The following SORCS1 variants were observed in gnomAD, a reference collection of about 807,000 sequenced individuals.
SORCS1 encodes the protein sortilin related VPS10 domain containing receptor 1.
A neutral mutation model predicts 146.1 loss-of-function variants in SORCS1; 60 were observed. The observed-to-expected ratio is 0.41, with a 90% confidence interval of 0.33 to 0.51. The LOEUF is 0.51. SORCS1 is among the 20% of genes least tolerant of loss of function. The probability of loss-of-function intolerance (pLI) is 0.21; values close to 1 mark genes in which losing one functional copy is unlikely to be tolerated. For missense variants in SORCS1, 1,352 were observed against 1,487.6 expected, an observed-to-expected ratio of 0.91 and a Z score of 1.50; for synonymous variants, 637 against 584.0, an observed-to-expected ratio of 1.09 and a Z score of -1.31.
At chr10:106,904,562 C>T (rs576948970) in intron 2 of SORCS1, among the ~76,000 whole-genome samples, 1 of 152,274 alleles carries the variant, frequency 6.6e-6, no homozygotes, top group South Asian at 2.1e-4. Flanking sequence ...TGGGATAGAT[C>T]ATTAACTGTC....
At chr10:106,626,700 T>G (rs1848135272) in intron 19 of SORCS1, among the ~76,000 whole-genome samples, 1 of 152,188 alleles carries the variant, frequency 6.6e-6, no homozygotes, top group Non-Finnish European at 1.5e-5. Context: ...CAAAAAGAGT[T>G]TGTGGGCATA....
At chr10:106,578,750 T>G (rs1844714823) in intron 25 of SORCS1, 1 of 1,119,766 alleles carries the variant, frequency 8.9e-7, no homozygotes, top group African/African-American at 1.6e-5. Context: ...TCCACCAGCC[T>G]TAGCCTCTGA....
intron 2 of SORCS1, among the ~76,000 whole-genome samples, chr10:106,882,410 T>G (rs763371371): frequency 2.6e-5 from 4 of 152,208 alleles, no homozygotes; most frequent in African/African-American, 4.8e-5. Flanking sequence ...CAAACTTTTT[T>G]CTGTAAAGGT....
intron 2 of SORCS1, among the ~76,000 whole-genome samples, chr10:106,907,826 C>A (rs1406647175): frequency 1.3e-5 from 2 of 151,382 alleles, no homozygotes; most frequent in Non-Finnish European, 2.9e-5. Flanking sequence ...ACTTGGGAGG[C>A]TGAGGCAGGA....
intron 1 of SORCS1, among the ~76,000 whole-genome samples, chr10:107,114,094 T>C (rs1965869380): frequency 6.6e-6 from 1 of 152,058 alleles, no homozygotes; most frequent in Admixed American, 6.6e-5. Context: ...AGATGAATAA[T>C]GAATAACTAG....
intron 1 of SORCS1, among the ~76,000 whole-genome samples, chr10:107,124,939 TTTC>T (rs1966619492): frequency 1.3e-5 from 2 of 149,262 alleles, no homozygotes; most frequent in Non-Finnish European, 3.0e-5. Context: ...CTTTTCTTTC[TTTC>T]TTTTCTTTTT....
chr10:107,099,320 G>T (rs534800511), intron 1 of SORCS1, among the ~76,000 whole-genome samples: 2 of 152,048 alleles, frequency 1.3e-5, no homozygotes, highest in African/African-American at 2.4e-5. Context: ...TTTTGAGTGT[G>T]AGACCACTAG....
At chr10:106,751,841 G>A (rs1238308986) in intron 5 of SORCS1, among the ~76,000 whole-genome samples, 1 of 152,132 alleles carries the variant, frequency 6.6e-6, no homozygotes, top group African/African-American at 2.4e-5. Flanking sequence ...CTGTGTGTGT[G>A]TATGCACAAG....
intron 1 of SORCS1, among the ~76,000 whole-genome samples, chr10:107,020,627 C>T (rs1211948514): frequency 2.0e-5 from 3 of 152,170 alleles, no homozygotes; most frequent in Admixed American, 6.5e-5. Flanking sequence ...CCCAAGCCCT[C>T]ATGCAGTGTG....
the SORCS1 span, among the ~76,000 whole-genome samples, chr10:107,180,848 G>A: frequency 1.3e-5 from 2 of 152,038 alleles, no homozygotes; most frequent in East Asian, 3.9e-4. Context: ...AGCCTAGATG[G>A]TATCGCCTAC....
chr10:107,169,230 T>C (rs920705588), upstream of SORCS1, among the ~76,000 whole-genome samples: 8 of 152,206 alleles, frequency 5.3e-5, no homozygotes, highest in African/African-American at 1.9e-4. Context: ...CTCAAAATAT[T>C]TGGCTCCCCT....
chr10:106,838,974 T>C lies in SORCS1; in HGVS notation c.627-9301A>G, dbSNP rs188508855. 1.4e-3 allele frequency among the ~76,000 whole-genome samples: 206 copies of C among 150,604 alleles called. 3 individuals are homozygous for C. Among genetic ancestry groups the C allele is most frequent in the Middle Eastern group, 3.4e-3 (1 of 294 alleles). Reference sequence around the variant, plus strand: ...TGGCAAATTTAATCAATAAATATTATGTATGTTTTGACTGCTCCAACAACC... The same window carrying C: ...TGGCAAATTTAATCAATAAATATTACGTATGTTTTGACTGCTCCAACAACC... On this transcript the variant is annotated intron_variant, in intron 2 of 25. Coordinates refer to ENST00000263054, the MANE Select transcript of SORCS1 (RefSeq NM_052918.5).
intron 1 of SORCS1, among the ~76,000 whole-genome samples, chr10:107,149,540 T>A (rs1968599115): frequency 6.6e-6 from 1 of 152,200 alleles, no homozygotes; most frequent in Admixed American, 6.5e-5. Flanking sequence ...AAAAATCCCA[T>A]CACCATTGTG....
chr10:106,898,090 C>T (rs1220918970), intron 2 of SORCS1, among the ~76,000 whole-genome samples: 3 of 152,214 alleles, frequency 2.0e-5, no homozygotes, highest in East Asian at 1.9e-4. Flanking sequence ...TTTATTTCCA[C>T]AGCTCTTTCA....
rs574834258 is a variant in SORCS1 at position 106,980,710 on chromosome 10, C to T, written c.559-24130G>A. Among the ~76,000 whole-genome samples the T allele has an allele frequency of 5.9e-5, 9 of 152,302 alleles. No homozygotes were observed. The South Asian group carries it at 1.7e-3, about 28-fold the overall frequency. On this transcript the variant is annotated intron_variant, in intron 1 of 25. Coordinates refer to ENST00000263054, the MANE Select transcript of SORCS1 (RefSeq NM_052918.5). ...TATACATATTTCCTCTTTTCCGCAG[C>T]CTACAAGAAAATATGCTGGTGGTAG...
At chr10:106,968,222 A>G (rs200871629) in intron 1 of SORCS1, among the ~76,000 whole-genome samples, 6,755 of 152,036 alleles carry the variant, frequency 0.044, 179 homozygotes, top group Non-Finnish European at 0.053. Flanking sequence ...AAAAAAAGAG[A>G]AAAGATGTAC....
intron 1 of SORCS1, among the ~76,000 whole-genome samples, chr10:106,979,908 G>A (rs962181260): frequency 6.6e-6 from 1 of 152,156 alleles, no homozygotes; most frequent in African/African-American, 2.4e-5. Flanking sequence ...ATTGGATTAC[G>A]ATGATAATCA....
At chr10:107,104,627 G>A (rs1269375868) in intron 1 of SORCS1, among the ~76,000 whole-genome samples, 1 of 152,168 alleles carries the variant, frequency 6.6e-6, no homozygotes, top group Non-Finnish European at 1.5e-5. Flanking sequence ...GTCCATTCCA[G>A]GGAGGGATGG....
intron 1 of SORCS1, among the ~76,000 whole-genome samples, chr10:106,956,832 A>G (rs545170532): frequency 6.6e-6 from 1 of 152,286 alleles, no homozygotes. Context: ...TCCTGCAGGC[A>G]TTTCTTTCCC....
Sources: allele counts gnomAD v4.1 joint callset (sites outside exome capture counted in the v4.1 genomes callset), GRCh38; gene constraint gnomAD v4.1.1; transcripts MANE v1.5; gene names NCBI Gene and HGNC (gene_info 2026-07-23, HGNC 2026-07-21).